Variants in PLAAT2 observed in about 807,000 individuals in gnomAD.
PLAAT2 encodes the protein HRAS like suppressor 2.
In PLAAT2, 12 loss-of-function variants were observed where a neutral mutation model predicts 12.8. The ratio of observed to expected loss-of-function variants is 0.94; its 90% CI spans 0.60 to 1.52. The LOEUF (loss-of-function observed/expected upper bound fraction) is 1.52. Ranked by LOEUF, PLAAT2 falls within the 40% of genes most tolerant of loss-of-function variation. The pLI, the probability that PLAAT2 is intolerant of heterozygous loss-of-function variation, is 0.00. For synonymous variants in PLAAT2, 79 were observed against 86.8 expected, an observed-to-expected ratio of 0.91 and a Z score of 0.50; for missense variants, 166 against 208.1, an observed-to-expected ratio of 0.80 and a Z score of 1.24.
At chr11:63,558,718 C>T (rs2017491875) in intron 2 of PLAAT2, 58 bp from the exon 3 acceptor site, 1 of 1,585,752 alleles carries the variant, frequency 6.3e-7, no homozygotes. Flanking sequence ...AGCTGGAAGC[C>T]AAGCAGCCTC....
At chr11:63,561,126 G>C (rs758115759) in intron 1 of PLAAT2, among the ~76,000 whole-genome samples, 5 of 152,248 alleles carry the variant, frequency 3.3e-5, no homozygotes, top group Non-Finnish European at 7.3e-5. Context: ...CCAACTCAAA[G>C]TCTGGTGGGG....
At chr11:63,561,410 G>A (rs552627510) in intron 1 of PLAAT2, among the ~76,000 whole-genome samples, 13 of 152,090 alleles carry the variant, frequency 8.5e-5, no homozygotes, top group African/African-American at 1.4e-4. Flanking sequence ...TCAGGAGGCC[G>A]AGATGGGTGG....
intron 1 of PLAAT2, among the ~76,000 whole-genome samples, chr11:63,561,768 CAT>C (rs2017521287): frequency 6.7e-6 from 1 of 150,012 alleles, no homozygotes; most frequent in East Asian, 2.0e-4. Flanking sequence ...CCAAATACCA[CAT>C]GTTCCCCCCC....
chr11:63,560,493 G>A (rs1366635180), intron 1 of PLAAT2, among the ~76,000 whole-genome samples: 2 of 152,230 alleles, frequency 1.3e-5, no homozygotes, highest in Non-Finnish European at 2.9e-5. Flanking sequence ...CTGAGTGTGA[G>A]TGCATTTTAT....
Position 63,558,575 on chromosome 11 carries a change from C to A in PLAAT2, c.204G>T (p.Val68=). Residue 68 remains valine, a synonymous_variant, in exon 3 of 4, where the codon GTG becomes GTT. Coordinates refer to ENST00000255695, the MANE Select transcript of PLAAT2 (RefSeq NM_017878.2). The part of the protein sequence containing the change: ...AIVKKELLSV[V]AGGDNYRVNN... ...TGACCCTGTAGTTGTCTCCCCCAGC[C>A]ACCACAGACAGCAGTTCCTTCTTCA... 1 of 1,614,256 alleles carries A rather than the reference C, an allele frequency of 6.2e-7. No individual in the cohort carries two copies. Among genetic ancestry groups the A allele is most frequent in the Non-Finnish European group, 8.5e-7 (1 of 1,180,050 alleles).
chr11:63,554,489 A>G (rs896608581), intron 3 of PLAAT2, among the ~76,000 whole-genome samples: 7 of 152,100 alleles, frequency 4.6e-5, no homozygotes, highest in Admixed American at 2.0e-4. Context: ...TTAGCCAGGC[A>G]TGGTGGCGGG....
chr11:63,563,739 A>G (rs1479865882), upstream of PLAAT2, among the ~76,000 whole-genome samples: 2 of 147,404 alleles, frequency 1.4e-5, no homozygotes, highest in African/African-American at 5.1e-5. Flanking sequence ...AAAAAAAAAC[A>G]GAACATAGAT....
intron 3 of PLAAT2, among the ~76,000 whole-genome samples, chr11:63,555,181 C>A (rs1175894842): frequency 2.0e-5 from 3 of 152,178 alleles, no homozygotes; most frequent in Non-Finnish European, 2.9e-5. Context: ...CTCTATCCTT[C>A]CTGATGATTA....
intron 3 of PLAAT2, among the ~76,000 whole-genome samples, chr11:63,554,986 A>G (rs146529907): frequency 6.6e-6 from 1 of 152,306 alleles, no homozygotes; most frequent in Non-Finnish European, 1.5e-5. Flanking sequence ...ATTTGTGCAG[A>G]GGTGACTGAC....
At chr11:63,563,657 G>A (rs2017538776), upstream of PLAAT2, among the ~76,000 whole-genome samples, 1 of 146,964 alleles carries the variant, frequency 6.8e-6, no homozygotes, top group African/African-American at 2.6e-5. Flanking sequence ...GGCAGACCTT[G>A]CAGCGAGCAG....
intron 3 of PLAAT2, among the ~76,000 whole-genome samples, chr11:63,557,250 G>A (rs1299527795): frequency 6.6e-6 from 1 of 152,230 alleles, no homozygotes; most frequent in East Asian, 1.9e-4. Context: ...AGTTATCTTG[G>A]ACTGAGTGTG....
Position 63,558,410 on chromosome 11 carries a change from G to T in PLAAT2, c.369C>A (p.Gly123=). The T allele has an allele frequency of 6.2e-7, 1 of 1,614,164 alleles. No individual in the cohort carries two copies. The highest frequency in any genetic ancestry group is 1.3e-5 in the African/African-American group (1 of 75,050). Residue 123 remains glycine (G), a synonymous_variant, in exon 3 of 4, where the codon GGC becomes GGA. Transcript: ENST00000255695. ...CEHFVNHLRY[G]VSRSDQVTGA... The stretch of plus-strand genomic sequence containing the variant: ...GATGCACCTGGTCACTGCGGGAGAC[G>T]CCATAGCGCAGATGGTTCACGAAGT...
At chr11:63,563,208 A>C in intron 1 of PLAAT2, 108 bp downstream of exon 1, 2 of 1,301,610 alleles carry the variant, frequency 1.5e-6, no homozygotes, top group Non-Finnish European at 2.2e-6. Flanking sequence ...GCATGTGCCC[A>C]TGTGCCCTCC....
chr11:63,555,173 C>G (rs767254576), intron 3 of PLAAT2, among the ~76,000 whole-genome samples: 5 of 152,208 alleles, frequency 3.3e-5, no homozygotes, highest in Admixed American at 6.5e-5. Context: ...GACAGAGGCT[C>G]TATCCTTCCT....
intron 1 of PLAAT2, 30 bp downstream of exon 1, chr11:63,563,286 A>C (rs1302181754): frequency 6.2e-7 from 1 of 1,613,952 alleles, no homozygotes. Context: ...TCCTCAAATC[A>C]AAGCTTTAAA....
intron 3 of PLAAT2, among the ~76,000 whole-genome samples, chr11:63,554,124 C>T (rs912408930): frequency 7.3e-6 from 1 of 137,872 alleles, no homozygotes; most frequent in Non-Finnish European, 1.5e-5. Context: ...GGGCCACTGT[C>T]TCTGAGAGAC....
chr11:63,558,245 A>G, intron 3 of PLAAT2, 147 bp downstream of exon 3: 1 of 863,896 alleles, frequency 1.2e-6, no homozygotes, highest in Non-Finnish European at 1.8e-6. Context: ...CCCAAATGTG[A>G]CACCCTCAAG....
rs1590672365 is a variant in PLAAT2, at chr11:63,563,365, G to A, written c.-41C>T. On this transcript the variant is annotated 5_prime_UTR_variant, in exon 1 of 4. Transcript: ENST00000255695. ...ATGTCTTGTGTGTTGCTGACTCTGTGTCCAGCCTTAAATTAGCTCTGAGTT... is the reference window on the plus strand; with the variant it reads ...ATGTCTTGTGTGTTGCTGACTCTGTATCCAGCCTTAAATTAGCTCTGAGTT... 6.2e-7 allele frequency: 1 copy of A among 1,613,690 alleles called. No individual in the cohort carries two copies. The highest frequency in any genetic ancestry group is 2.2e-5 in the East Asian group (1 of 44,874).
chr11:63,564,159 G>T (rs2017544086), upstream of PLAAT2, among the ~76,000 whole-genome samples: 1 of 152,174 alleles, frequency 6.6e-6, no homozygotes, highest in Admixed American at 6.5e-5. Context: ...GAGTGAGCCT[G>T]CTTGGACAGC....
Sources: gnomAD v4.1 joint callset for allele counts (sites outside exome capture counted in the v4.1 genomes callset) on GRCh38, gnomAD v4.1.1 for gene constraint, MANE v1.5 for transcripts, NCBI Gene and HGNC (gene_info 2026-07-23, HGNC 2026-07-21) for gene names.